The following LHFPL6 variants were observed in gnomAD, a reference collection of about 807,000 sequenced individuals.
The protein encoded by LHFPL6 is LHFPL tetraspan subfamily member 6 protein.
In LHFPL6, 9 loss-of-function variants were observed where a neutral mutation model predicts 20.6. That is an observed-to-expected ratio of 0.44 (90% CI 0.26 to 0.76). LHFPL6 has a LOEUF of 0.76. Among genes scored for constraint, LHFPL6 ranks in the 30% least tolerant of loss-of-function variants. The probability of loss-of-function intolerance (pLI) is 0.20; values close to 1 mark genes in which losing one functional copy is unlikely to be tolerated. For synonymous variants in LHFPL6, 105 were observed against 98.7 expected (o/e 1.06, Z -0.38); for missense variants, 218 against 253.5 (o/e 0.86, Z 0.95).
At chr13:39,467,611 T>C (rs1051107451) in intron 2 of LHFPL6, among the ~76,000 whole-genome samples, 1 of 152,186 alleles carries the variant, frequency 6.6e-6, no homozygotes, top group African/African-American at 2.4e-5. Flanking sequence ...AGAAATGCAA[T>C]TAGCTTTGAT....
At chr13:39,358,025 T>C (rs1869773628) in intron 3 of LHFPL6, among the ~76,000 whole-genome samples, 1 of 152,146 alleles carries the variant, frequency 6.6e-6, no homozygotes, top group East Asian at 1.9e-4. Flanking sequence ...AACATCATTG[T>C]TCATACAATT....
chr13:39,444,623 T>C (rs944716563), intron 2 of LHFPL6, among the ~76,000 whole-genome samples: 2 of 152,126 alleles, frequency 1.3e-5, no homozygotes, highest in Non-Finnish European at 2.9e-5. Context: ...TGAGCTGAGG[T>C]GTGGCTTCAC....
At chr13:39,570,993 T>C (rs985872453) in intron 2 of LHFPL6, among the ~76,000 whole-genome samples, 1 of 152,206 alleles carries the variant, frequency 6.6e-6, no homozygotes, top group African/African-American at 2.4e-5. Flanking sequence ...ATCTAACCAC[T>C]ACTAGATTGA....
rs556813205 is a variant in LHFPL6 at position 39,350,391 on chromosome 13, G to A, written c.485-6337C>T. Among the ~76,000 whole-genome samples, 33 of 152,268 alleles carry A rather than the reference G, an allele frequency of 2.2e-4. 1 individual carries two copies. The South Asian group carries it at 5.6e-3, about 26-fold the overall frequency. The stretch of plus-strand genomic sequence containing the variant: ...TTTTCTCTCTGAGCATGATCCTATT[G>A]TTAAAACCTATGTGCTCAATAACAA... On this transcript the variant is annotated intron_variant, in intron 3 of 3. Coordinates refer to ENST00000379589, the MANE Select transcript of LHFPL6 (RefSeq NM_005780.3).
At chr13:39,461,516 G>A (rs1173348126) in intron 2 of LHFPL6, among the ~76,000 whole-genome samples, 1 of 152,072 alleles carries the variant, frequency 6.6e-6, no homozygotes, top group Non-Finnish European at 1.5e-5. Context: ...GGTAGGGGAG[G>A]AATCTAGTTC....
chr13:39,388,925 G>A (rs557130199), intron 2 of LHFPL6, among the ~76,000 whole-genome samples: 11 of 152,290 alleles, frequency 7.2e-5, no homozygotes, highest in South Asian at 6.2e-4. Flanking sequence ...TACACTGGCC[G>A]TGGGAAATCA....
At chr13:39,481,597 A>G (rs1158805625) in intron 2 of LHFPL6, among the ~76,000 whole-genome samples, 1 of 152,166 alleles carries the variant, frequency 6.6e-6, no homozygotes, top group African/African-American at 2.4e-5. Context: ...TGAAGATGTA[A>G]GGACATAAAG....
chr13:39,450,029 C>A (rs958164757), intron 2 of LHFPL6, among the ~76,000 whole-genome samples: 2 of 152,156 alleles, frequency 1.3e-5, no homozygotes, highest in Admixed American at 6.5e-5. Flanking sequence ...CCATCAAATT[C>A]TTTGCTCTGT....
chr13:39,387,535 G>C (rs1870594307), intron 2 of LHFPL6, among the ~76,000 whole-genome samples: 1 of 116,708 alleles, frequency 8.6e-6, no homozygotes, highest in Non-Finnish European at 1.7e-5. Flanking sequence ...GACAGAGTGA[G>C]AGACTGTCTC....
At chr13:39,541,357 T>C (rs7139911) in intron 2 of LHFPL6, among the ~76,000 whole-genome samples, 3,851 of 152,310 alleles carry the variant, frequency 0.025, 169 homozygotes, top group African/African-American at 0.088. Context: ...AACTCAATTC[T>C]GCAGACATAC....
intron 2 of LHFPL6, among the ~76,000 whole-genome samples, chr13:39,571,307 G>A (rs1223965565): frequency 6.6e-6 from 1 of 152,140 alleles, no homozygotes; most frequent in Non-Finnish European, 1.5e-5. Context: ...TCCTCTTATT[G>A]ATCCCCACCC....
chr13:39,569,723 G>A (rs116221386), intron 2 of LHFPL6, among the ~76,000 whole-genome samples: 1,844 of 152,292 alleles, frequency 0.012, 27 homozygotes, highest in African/African-American at 0.043. Context: ...ACAGTAAGGT[G>A]TATTCAAACT....
At position 39,555,088 on chromosome 13, in the gene LHFPL6, T is replaced by G. The variant is rs150910580; in HGVS notation, c.385+45744A>C. Among the ~76,000 whole-genome samples, 664 of 152,284 alleles carry G rather than the reference T, an allele frequency of 4.4e-3. 3 individuals are homozygous for G. Among genetic ancestry groups the G allele is most frequent in the African/African-American group, 0.014 (586 of 41,546 alleles). ...ATAAAAGATTACGAACAAGGCCAAG[T>G]AAGCTTTTGGCTCCTTCAAAATTCT... On this transcript the variant is annotated intron_variant, in intron 2 of 3. Transcript: ENST00000379589.
chr13:39,368,408 C>A (rs1279851500), intron 3 of LHFPL6, among the ~76,000 whole-genome samples: 1 of 152,074 alleles, frequency 6.6e-6, no homozygotes, highest in East Asian at 1.9e-4. Flanking sequence ...ATGGTGAAAC[C>A]CTGTCTCTAT....
chr13:39,346,693 C>T (rs1566090172), intron 3 of LHFPL6, among the ~76,000 whole-genome samples: 1 of 152,112 alleles, frequency 6.6e-6, no homozygotes, highest in Non-Finnish European at 1.5e-5. Flanking sequence ...CTCATATCAT[C>T]ACCAACAGCA....
Position 39,488,008 on chromosome 13 carries a change from C to T in LHFPL6, c.386-109482G>A, listed in dbSNP as rs183328402. ...CTATGGTCTGAATGTTGATGTCCCC[C>T]CAAAATTTATATGTTGAAACCTAAC... On this transcript the variant is annotated intron_variant, in intron 2 of 3. Coordinates refer to ENST00000379589, the MANE Select transcript of LHFPL6 (RefSeq NM_005780.3). Among the ~76,000 whole-genome samples, 663 of 152,256 alleles carry T rather than the reference C, an allele frequency of 4.4e-3. 3 individuals carry two copies. Among genetic ancestry groups the T allele is most frequent in the Non-Finnish European group, 6.9e-3 (469 of 68,026 alleles).
chr13:39,349,385 A>T lies in LHFPL6; in HGVS notation c.485-5331T>A, dbSNP rs1291589443. On this transcript the variant is annotated intron_variant, in intron 3 of 3. Transcript: ENST00000379589. The stretch of plus-strand genomic sequence containing the variant: ...TAAGGTGTGTCAATAGAATTTAAGC[A>T]AATCTGAAAAAATACTGTCATCCAA... 2.0e-5 allele frequency among the ~76,000 whole-genome samples: 3 copies of T among 152,296 alleles called. No individual in the cohort carries two copies. The East Asian group carries it at 5.8e-4, about 29-fold the overall frequency.
chr13:39,501,096 T>C (rs1295681149), intron 2 of LHFPL6, among the ~76,000 whole-genome samples: 1 of 152,162 alleles, frequency 6.6e-6, no homozygotes, highest in Non-Finnish European at 1.5e-5. Context: ...GAGAAAAGTG[T>C]GGGCACCTTT....
intron 2 of LHFPL6, among the ~76,000 whole-genome samples, chr13:39,402,256 G>C (rs776191032): frequency 1.3e-5 from 2 of 151,944 alleles, no homozygotes; most frequent in Non-Finnish European, 2.9e-5. Flanking sequence ...TTGGGGTCTT[G>C]CTCTGTCACC....
Sources: gnomAD v4.1 joint callset for allele counts (sites outside exome capture counted in the v4.1 genomes callset) on GRCh38, gnomAD v4.1.1 for gene constraint, MANE v1.5 for transcripts, NCBI Gene and HGNC (gene_info 2026-07-23, HGNC 2026-07-21) for gene names.